Variants in NCDN observed in about 807,000 individuals in gnomAD.
NCDN encodes neurochondrin, also known as norbin.
In NCDN, 9 loss-of-function variants were observed where a neutral mutation model predicts 60.7. The ratio of observed to expected loss-of-function variants is 0.15; its 90% CI spans 0.09 to 0.26. The LOEUF is 0.26. NCDN is among the 10% of genes least tolerant of loss of function. The pLI is 1.00. For synonymous variants in NCDN, 409 were observed against 442.5 expected, an observed-to-expected ratio of 0.92 and a Z score of 0.95; for missense variants, 578 against 975.2, an observed-to-expected ratio of 0.59 and a Z score of 5.42.
rs1235486116 is a variant in NCDN at position 35,562,774 on chromosome 1, G to C, written c.1385+141G>C. On this transcript the variant is annotated intron_variant, in intron 4 of 6. Coordinates refer to ENST00000373243, the MANE Select transcript of NCDN (RefSeq NM_014284.3). This position sits in a 1 kb window ranked among gnomAD's most constrained non-coding sequence, Gnocchi z 6.8. ...ATCCCTTAGGGTTATTTCTGTTTTG[G>C]GGGGCTTGTTCCCACAGGACTCCTC... is the stretch of plus-strand genomic sequence containing the variant. 1.6e-6 allele frequency: 2 copies of C among 1,274,640 alleles called. No homozygotes were observed. The highest frequency in any genetic ancestry group is 3.0e-5 in the African/African-American group (2 of 66,368). 79.0% of individuals were successfully genotyped at this position (1,274,640 alleles called of 1,614,324 possible).
Position 35,560,222 on chromosome 1 carries a change from T to G in NCDN, c.175-104T>G. On this transcript the variant is annotated intron_variant, in intron 2 of 6. Coordinates refer to ENST00000373243, the MANE Select transcript of NCDN (RefSeq NM_014284.3). This position sits in a 1 kb window ranked among gnomAD's most constrained non-coding sequence, Gnocchi z 7.6. Reference sequence around the variant, plus strand: ...TGAAATGACCTCAGATGAGTCCTGTTGCATAACCTCATCTTGCTAGTCCTC... The same window carrying G: ...TGAAATGACCTCAGATGAGTCCTGTGGCATAACCTCATCTTGCTAGTCCTC... The G allele has an allele frequency of 7.0e-7, 1 of 1,425,232 alleles. No individual in the cohort carries two copies. The highest frequency in any genetic ancestry group is 1.3e-5 in the South Asian group (1 of 76,768). 88.3% of individuals were successfully genotyped at this position (1,425,232 alleles called of 1,614,324 possible). A position where few individuals can be genotyped will look rare whatever the true frequency, so the allele number is the denominator to read the frequency against.
Position 35,564,302 on chromosome 1 carries a change from C to A in NCDN, c.1753+393C>A, listed in dbSNP as rs75983220. ...TCTGCTCTGCTCGGTACCTCACCCC[C>A]ATCAGTGACAGCCTTCAGCACTTGG... On this transcript the variant is annotated intron_variant, in intron 6 of 6. Coordinates refer to ENST00000373243, the MANE Select transcript of NCDN (RefSeq NM_014284.3). Among the ~76,000 whole-genome samples, 1,486 of 152,304 alleles carry A rather than the reference C, an allele frequency of 9.8e-3. 31 individuals are homozygous for A. The highest frequency in any genetic ancestry group is 0.034 in the African/African-American group (1,414 of 41,550).
In NCDN at chr1:35,560,850, G is replaced by A. The variant is rs764769133; in HGVS notation, c.699G>A (p.Glu233=). The change falls in exon 3 of 7, where the codon GAG becomes GAA. Residue 233 remains glutamate (E), a synonymous_variant. Transcript: ENST00000373243. The surrounding 1 kb of genome is among the most constrained non-coding windows in gnomAD (Gnocchi z 7.6). ...TCAGTGAGGATTTCCAGAAAGCTGAGGATGCCAGCAAGTTTGAGCTCTGCC... is the reference window on the plus strand; with the variant it reads ...TCAGTGAGGATTTCCAGAAAGCTGAAGATGCCAGCAAGTTTGAGCTCTGCC... ...RGLSEDFQKA[E]DASKFELCQL... 3.1e-6 allele frequency: 5 copies of A among 1,614,168 alleles called. No individual in the cohort carries two copies. The highest frequency in any genetic ancestry group is 3.4e-6 in the Non-Finnish European group (4 of 1,180,032).
rs886758093 is a variant in NCDN at position 35,563,075 on chromosome 1, T to TG, written c.1386-125dup. ...GACTCTGAAGCTTGTACTTTTTCTG[T>TG]GGTACCTGCGAGGATGTGTCCTTCT... On this transcript the variant is annotated intron_variant, in intron 4 of 6. Transcript: ENST00000373243. This position sits in a 1 kb window ranked among gnomAD's most constrained non-coding sequence, Gnocchi z 6.6. The TG allele has an allele frequency of 1.1e-6, 1 of 903,432 alleles. No homozygotes were observed. Among genetic ancestry groups the TG allele is most frequent in the African/African-American group, 1.7e-5 (1 of 59,566 alleles). The allele number at this position is 903,432 out of a possible 1,614,324, so 56.0% of individuals were successfully genotyped here. A position where few individuals can be genotyped will look rare whatever the true frequency, so the allele number is the denominator to read the frequency against.
Position 35,559,115 on chromosome 1 carries a change from G to A in NCDN, c.42G>A (p.Lys14=). The change falls in exon 2 of 7, where the codon AAG becomes AAA. Residue 14 remains lysine, a synonymous_variant. Coordinates refer to ENST00000373243, the MANE Select transcript of NCDN (RefSeq NM_014284.3). ...CCCTCTTGTGTTCACAGTTGGGCAAGGCGAGCATCATGGCCTCGGATTGCG... is the reference window on the plus strand; with the variant it reads ...CCCTCTTGTGTTCACAGTTGGGCAAAGCGAGCATCATGGCCTCGGATTGCG... ...CDLAAAGQLG[K]ASIMASDCEP... is the part of the protein sequence containing the mutation. The A allele has an allele frequency of 1.2e-6, 2 of 1,606,340 alleles. No individual in the cohort carries two copies. Among genetic ancestry groups the A allele is most frequent in the Non-Finnish European group, 1.7e-6 (2 of 1,175,894 alleles).
At position 35,560,424 on chromosome 1, in the gene NCDN, C is replaced by T; in HGVS notation, c.273C>T (p.Thr91=). 6.2e-7 allele frequency: 1 copy of T among 1,614,010 alleles called. No individual in the cohort carries two copies. Among genetic ancestry groups the T allele is most frequent in the Non-Finnish European group, 8.5e-7 (1 of 1,180,026 alleles). Residue 91 remains threonine (T), a synonymous_variant, in exon 3 of 7, where the codon ACC becomes ACT. Coordinates refer to ENST00000373243, the MANE Select transcript of NCDN (RefSeq NM_014284.3). The surrounding 1 kb of genome is among the most constrained non-coding windows in gnomAD (Gnocchi z 7.6). ...GFTFPNRLLT[T]KEAPDGCPDH... ...CCTTCCCCAATCGTCTCCTGACCAC[C>T]AAGGAGGCGCCGGATGGCTGCCCTG...
Position 35,559,185 on chromosome 1 carries a change from C to A in NCDN, c.112C>A (p.Arg38Ser). The stretch of plus-strand genomic sequence containing the variant: ...AGAGGGCCGAAACCCCACCCTGGAG[C>A]GCTACCTGGGAGCCCTCCGTGAGGC... Reference protein sequence around the residue: ...QAEGRNPTLERYLGALREAKN... With the variant: ...QAEGRNPTLESYLGALREAKN... The change falls in exon 2 of 7, where the codon CGC becomes AGC. Residue 38 changes from arginine (R) to serine (S), a missense_variant. By Grantham distance (110) the Arg-to-Ser change is moderately radical. Around this residue, in one of 3 missense-constraint regions of NCDN, gnomAD observed 363 missense variants for 583.6 expected, o/e 0.62. Coordinates refer to ENST00000373243, the MANE Select transcript of NCDN (RefSeq NM_014284.3). 6.2e-7 allele frequency: 1 copy of A among 1,614,096 alleles called. No individual in the cohort carries two copies.
Position 35,560,913 on chromosome 1 carries a change from C to T in NCDN, c.762C>T (p.Pro254=). The T allele has an allele frequency of 6.2e-7, 1 of 1,614,138 alleles. No individual in the cohort carries two copies. Among genetic ancestry groups the T allele is most frequent in the Non-Finnish European group, 8.5e-7 (1 of 1,179,998 alleles). The part of the protein sequence containing the change: ...LPLFLPPTTV[P]PECYRDLQAG... ...TCTTTTTGCCCCCGACAACCGTGCC[C>T]CCTGAATGCTACCGGGATCTGCAGG... Residue 254 remains proline, a synonymous_variant, in exon 3 of 7, where the codon CCC becomes CCT. Coordinates refer to ENST00000373243, the MANE Select transcript of NCDN (RefSeq NM_014284.3). This position sits in a 1 kb window ranked among gnomAD's most constrained non-coding sequence, Gnocchi z 7.6.
Position 35,565,211 on chromosome 1 carries a change from T to G in NCDN, c.1754-16T>G. ...GCCTGTCCGATTCATGCCCCACTCC[T>G]TCCGTTACCTTGCAGCTCTTCAGGG... On this transcript the variant is annotated splice_polypyrimidine_tract_variant and intron_variant, in intron 6 of 6. Coordinates refer to ENST00000373243, the MANE Select transcript of NCDN (RefSeq NM_014284.3). This position sits in a 1 kb window ranked among gnomAD's most constrained non-coding sequence, Gnocchi z 8.9. 1 of 1,587,754 alleles carries G rather than the reference T, an allele frequency of 6.3e-7. No individual in the cohort carries two copies. Among genetic ancestry groups the G allele is most frequent in the South Asian group, 1.1e-5 (1 of 87,634 alleles).
rs1392882785 is a variant in NCDN, at chr1:35,563,074, G to A, written c.1386-128G>A. On this transcript the variant is annotated intron_variant, in intron 4 of 6. Coordinates refer to ENST00000373243, the MANE Select transcript of NCDN (RefSeq NM_014284.3). The surrounding 1 kb of genome is among the most constrained non-coding windows in gnomAD (Gnocchi z 6.6). ...CGACTCTGAAGCTTGTACTTTTTCT[G>A]TGGTACCTGCGAGGATGTGTCCTTC... 1 of 902,698 alleles carries A rather than the reference G, an allele frequency of 1.1e-6. No individual in the cohort carries two copies. 55.9% of individuals were successfully genotyped at this position (902,698 alleles called of 1,614,324 possible).
In NCDN at chr1:35,565,558, G is replaced by A. The variant is rs778105069; in HGVS notation, c.2085G>A (p.Ala695=). The change falls in exon 7 of 7, where the codon GCG becomes GCA. Residue 695 remains alanine (A), a synonymous_variant. Transcript: ENST00000373243. The surrounding 1 kb of genome is among the most constrained non-coding windows in gnomAD (Gnocchi z 8.9). ...ATCAGGGTGTCCTGGTGGAGCTGGC[G>A]CGGGCCAACCGGCTGTGCCGGGAGG... The part of the protein sequence containing the change: ...AAYQGVLVEL[A]RANRLCREAM... The A allele has an allele frequency of 2.0e-5, 32 of 1,565,604 alleles. No homozygotes were observed. The highest frequency in any genetic ancestry group is 5.8e-5 in the South Asian group (5 of 86,352).
In NCDN at chr1:35,560,346, A is replaced by G. The variant is rs1328613709; in HGVS notation, c.195A>G (p.Ala65=). 1.9e-6 allele frequency: 3 copies of G among 1,613,790 alleles called. No homozygotes were observed. The highest frequency in any genetic ancestry group is 2.2e-5 in the East Asian group (1 of 44,884). The change falls in exon 3 of 7, where the codon GCA becomes GCG. Residue 65 remains alanine, a synonymous_variant. Coordinates refer to ENST00000373243, the MANE Select transcript of NCDN (RefSeq NM_014284.3). This position sits in a 1 kb window ranked among gnomAD's most constrained non-coding sequence, Gnocchi z 7.6. ...TATAGGTGACCAAGGCAGTCAAAGCAGGTGACATAGATGCCAAAACTCGGC... is the reference window on the plus strand; with the variant it reads ...TATAGGTGACCAAGGCAGTCAAAGCGGGTGACATAGATGCCAAAACTCGGC... The part of the protein sequence containing the change: ...ALLLVTKAVK[A]GDIDAKTRRR...
rs1648651935 is a variant in NCDN at position 35,560,331 on chromosome 1, C to G, written c.180C>G (p.Thr60=). 3 of 1,612,994 alleles carry G rather than the reference C, an allele frequency of 1.9e-6. No homozygotes were observed. Among genetic ancestry groups the G allele is most frequent in the Non-Finnish European group, 2.5e-6 (3 of 1,179,888 alleles). The change falls in exon 3 of 7, where the codon ACC becomes ACG. Residue 60 remains threonine (T), a synonymous_variant. Coordinates refer to ENST00000373243, the MANE Select transcript of NCDN (RefSeq NM_014284.3). This position sits in a 1 kb window ranked among gnomAD's most constrained non-coding sequence, Gnocchi z 7.6. ...SEQFAALLLV[T]KAVKAGDIDA... is the part of the protein sequence containing the mutation. Reference sequence around the variant, plus strand: ...ATAGCACATACCCCCTATAGGTGACCAAGGCAGTCAAAGCAGGTGACATAG... The same window carrying G: ...ATAGCACATACCCCCTATAGGTGACGAAGGCAGTCAAAGCAGGTGACATAG...
Position 35,565,212 on chromosome 1 carries a change from TC to T in NCDN, c.1754-13del. ...CCTGTCCGATTCATGCCCCACTCCT[TC>T]CGTTACCTTGCAGCTCTTCAGGGAA... On this transcript the variant is annotated splice_polypyrimidine_tract_variant and intron_variant, in intron 6 of 6. Transcript: ENST00000373243. The surrounding 1 kb of genome is among the most constrained non-coding windows in gnomAD (Gnocchi z 8.9). The T allele has an allele frequency of 6.3e-7, 1 of 1,588,448 alleles. No individual in the cohort carries two copies. Among genetic ancestry groups the T allele is most frequent in the Non-Finnish European group, 8.6e-7 (1 of 1,162,926 alleles).
rs911952723 is a variant in NCDN, at chr1:35,565,140, C to T, written c.1754-87C>T. 1.5e-6 allele frequency: 2 copies of T among 1,334,638 alleles called. No individual in the cohort carries two copies. Among genetic ancestry groups the T allele is most frequent in the African/African-American group, 2.9e-5 (2 of 68,406 alleles). The allele number at this position is 1,334,638 out of a possible 1,614,324, so 82.7% of individuals were successfully genotyped here. A position where few individuals can be genotyped will look rare whatever the true frequency, so the allele number is the denominator to read the frequency against. On this transcript the variant is annotated intron_variant, in intron 6 of 6. Coordinates refer to ENST00000373243, the MANE Select transcript of NCDN (RefSeq NM_014284.3). This position sits in a 1 kb window ranked among gnomAD's most constrained non-coding sequence, Gnocchi z 8.9. Reference sequence around the variant, plus strand: ...ATTCCAGGCTGTGCCCTGGCTCCTGCATGTGTCTACACAGAGGACTAGGGA... The same window carrying T: ...ATTCCAGGCTGTGCCCTGGCTCCTGTATGTGTCTACACAGAGGACTAGGGA...
In NCDN at chr1:35,563,621, A is replaced by G; in HGVS notation, c.1611-146A>G. 1 of 1,091,670 alleles carries G rather than the reference A, an allele frequency of 9.2e-7. No individual in the cohort carries two copies. The highest frequency in any genetic ancestry group is 1.3e-6 in the Non-Finnish European group (1 of 750,842). The allele number at this position is 1,091,670 out of a possible 1,614,324, so 67.6% of individuals were successfully genotyped here. ...TGGAACCCCCAGGTACTGTCTCAGC[A>G]TGTCTGCTTGTTCCAATCTCTGCCC... On this transcript the variant is annotated intron_variant, in intron 5 of 6. Coordinates refer to ENST00000373243, the MANE Select transcript of NCDN (RefSeq NM_014284.3). This position sits in a 1 kb window ranked among gnomAD's most constrained non-coding sequence, Gnocchi z 6.6.
At position 35,565,870 on chromosome 1, in the gene NCDN, C is replaced by CCTG; in HGVS notation, c.*207_*208insCTG. 1 of 594,288 alleles carries CCTG rather than the reference C, an allele frequency of 1.7e-6. No homozygotes were observed. Among genetic ancestry groups the CCTG allele is most frequent in the South Asian group, 2.2e-5 (1 of 46,024 alleles). The allele number at this position is 594,288 out of a possible 1,614,324, so 36.8% of individuals were successfully genotyped here. On this transcript the variant is annotated 3_prime_UTR_variant, in exon 7 of 7. Coordinates refer to ENST00000373243, the MANE Select transcript of NCDN (RefSeq NM_014284.3). The surrounding 1 kb of genome is among the most constrained non-coding windows in gnomAD (Gnocchi z 8.9). ...TCCGCCCCTCAGGCCCCCATGGGGG[C>CCTG]AGGGATCGGCTTGGAAATCAACGTG...
rs1648778819 is a variant in NCDN at position 35,563,682 on chromosome 1, C to T, written c.1611-85C>T. ...ATGTTTGGGGCCCAAAGTTAATCAC[C>T]CTACTGCCTAATTTCTTGCCAAGGG... On this transcript the variant is annotated intron_variant, in intron 5 of 6. Coordinates refer to ENST00000373243, the MANE Select transcript of NCDN (RefSeq NM_014284.3). This position sits in a 1 kb window ranked among gnomAD's most constrained non-coding sequence, Gnocchi z 6.6. 29 of 1,521,086 alleles carry T rather than the reference C, an allele frequency of 1.9e-5. No homozygotes were observed. In the South Asian group the frequency reaches 3.6e-4, roughly 19 times the overall value. The allele number at this position is 1,521,086 out of a possible 1,614,324, so 94.2% of individuals were successfully genotyped here.
chr1:35,558,801 C>T lies in NCDN; in HGVS notation c.34-306C>T, dbSNP rs1648536411. ...GGACAGCTGAGCAGTGGGGCCAGCT[C>T]CCGCCCACCCCCAGGAGACTGGTGA... On this transcript the variant is annotated intron_variant, in intron 1 of 6. Coordinates refer to ENST00000373243, the MANE Select transcript of NCDN (RefSeq NM_014284.3). This position sits in a 1 kb window ranked among gnomAD's most constrained non-coding sequence, Gnocchi z 6.3. 2.3e-6 allele frequency: 2 copies of T among 860,230 alleles called. No individual in the cohort carries two copies. Among genetic ancestry groups the T allele is most frequent in the Non-Finnish European group, 3.1e-6 (2 of 637,310 alleles). The allele number at this position is 860,230 out of a possible 1,614,324, so 53.3% of individuals were successfully genotyped here.
Sources: allele counts gnomAD v4.1 joint callset (sites outside exome capture counted in the v4.1 genomes callset), GRCh38; gene constraint gnomAD v4.1.1; regional missense constraint gnomAD v4.1.1; non-coding constraint Gnocchi (gnomAD v3.1); transcripts MANE v1.5; gene names NCBI Gene and HGNC (gene_info 2026-07-23, HGNC 2026-07-21).